The following MTMR7 variants were observed in gnomAD, a reference collection of about 807,000 sequenced individuals.
The protein encoded by MTMR7 is phosphatidylinositol-3-phosphate phosphatase MTMR7.
MTMR7 carries 76 observed loss-of-function variants against 81.2 expected under a neutral mutation model. The ratio of observed to expected loss-of-function variants is 0.94; its 90% CI spans 0.78 to 1.13. The LOEUF (loss-of-function observed/expected upper bound fraction) is 1.13, where lower values mean the gene tolerates loss of function less well. Ranked by LOEUF, MTMR7 falls within the 50% of genes most tolerant of loss-of-function variation. The probability of loss-of-function intolerance (pLI) is 0.00; values close to 1 mark genes in which losing one functional copy is unlikely to be tolerated. For synonymous variants in MTMR7, 372 were observed against 289.8 expected (o/e 1.28, Z -2.88); for missense variants, 1,044 against 820.0 (o/e 1.27, Z -3.34).
At chr8:17,401,752 G>T (rs1467195666) in intron 1 of MTMR7, among the ~76,000 whole-genome samples, 1 of 152,126 alleles carries the variant, frequency 6.6e-6, no homozygotes, top group Non-Finnish European at 1.5e-5. Context: ...GCACTGGAAG[G>T]GTGAAATGCC....
chr8:17,313,455 A>G (rs1817899535), intron 7 of MTMR7, 54 bp from the exon 8 acceptor site: 1 of 1,163,682 alleles, frequency 8.6e-7, no homozygotes, highest in Non-Finnish European at 1.3e-6. Flanking sequence ...CTCATTTTAC[A>G]TATGATCATG....
chr8:17,297,543 T>A lies in MTMR7; in HGVS notation c.*2319A>T, dbSNP rs1293946059. On this transcript the variant is annotated 3_prime_UTR_variant, in exon 14 of 14. Coordinates refer to ENST00000180173, the MANE Select transcript of MTMR7 (RefSeq NM_004686.5). ...CAGTTACTGATTTGCTGGGTCATGG[T>A]CAAAATTCTTACCTATTTATTTCAT... is the stretch of plus-strand genomic sequence containing the variant. 7.8e-6 allele frequency: 1 copy of A among 127,478 alleles called. No homozygotes were observed. Among genetic ancestry groups the A allele is most frequent in the African/African-American group, 3.5e-5 (1 of 28,770 alleles). The allele number at this position is 127,478 out of a possible 1,614,324, so 7.9% of individuals were successfully genotyped here.
At chr8:17,335,152 G>C (rs112957158) in intron 6 of MTMR7, among the ~76,000 whole-genome samples, 2 of 152,160 alleles carry the variant, frequency 1.3e-5, no homozygotes, top group African/African-American at 4.8e-5. Flanking sequence ...CAGGAATAAG[G>C]AGCGAGCAGA....
intron 4 of MTMR7, among the ~76,000 whole-genome samples, chr8:17,351,750 T>C (rs1221672704): frequency 1.3e-5 from 2 of 152,222 alleles, no homozygotes; most frequent in Non-Finnish European, 2.9e-5. Flanking sequence ...TGATGAGTAC[T>C]TGCTCGGGGA....
chr8:17,370,013 T>A (rs1167570420), intron 3 of MTMR7, among the ~76,000 whole-genome samples: 1 of 151,994 alleles, frequency 6.6e-6, no homozygotes, highest in East Asian at 1.9e-4. Flanking sequence ...AAGAAACACT[T>A]CTGTAGAAGC....
At chr8:17,362,147 A>T (rs185928063) in intron 3 of MTMR7, among the ~76,000 whole-genome samples, 11 of 152,246 alleles carry the variant, frequency 7.2e-5, no homozygotes, top group South Asian at 2.1e-4. Flanking sequence ...TAGCCACATT[A>T]AAAAAAAGTT....
intron 4 of MTMR7, among the ~76,000 whole-genome samples, chr8:17,353,487 T>G (rs1819790760): frequency 6.6e-6 from 1 of 152,230 alleles, no homozygotes; most frequent in African/African-American, 2.4e-5. Context: ...ATCTTAGCAT[T>G]GACTGCTGCC....
intron 5 of MTMR7, among the ~76,000 whole-genome samples, chr8:17,343,898 T>C (rs969155289): frequency 6.6e-6 from 1 of 152,176 alleles, no homozygotes; most frequent in African/African-American, 2.4e-5. Flanking sequence ...CCAAAGAGTA[T>C]TACTATTACT....
chr8:17,365,056 TC>T (rs1820184185), intron 3 of MTMR7, among the ~76,000 whole-genome samples: 1 of 152,158 alleles, frequency 6.6e-6, no homozygotes. Context: ...TTCTCTTTCC[TC>T]CCCACCCTTG....
intron 4 of MTMR7, among the ~76,000 whole-genome samples, chr8:17,356,049 T>A (rs1316260411): frequency 2.6e-5 from 4 of 152,226 alleles, no homozygotes; most frequent in Non-Finnish European, 5.9e-5. Context: ...AATCCCACTT[T>A]CATCCTTGTG....
At chr8:17,391,044 G>A (rs762112089) in intron 1 of MTMR7, among the ~76,000 whole-genome samples, 1 of 152,204 alleles carries the variant, frequency 6.6e-6, no homozygotes, top group Non-Finnish European at 1.5e-5. Context: ...AGCCATGGGG[G>A]TATCTGGGGA....
At chr8:17,385,647 C>G (rs1563372469) in intron 1 of MTMR7, among the ~76,000 whole-genome samples, 1 of 152,150 alleles carries the variant, frequency 6.6e-6, no homozygotes, top group East Asian at 1.9e-4. Flanking sequence ...TGAGAACACA[C>G]TAATATAGTA....
chr8:17,304,145 T>C (rs1446281474), intron 12 of MTMR7, among the ~76,000 whole-genome samples: 1 of 152,194 alleles, frequency 6.6e-6, no homozygotes, highest in Admixed American at 6.5e-5. Context: ...TTTTATGATA[T>C]CATTATTATA....
intron 1 of MTMR7, among the ~76,000 whole-genome samples, chr8:17,391,390 TA>T (rs1821104596): frequency 6.6e-6 from 1 of 152,170 alleles, no homozygotes; most frequent in Non-Finnish European, 1.5e-5. Flanking sequence ...ACTGCAATAT[TA>T]TTTTTTTACT....
chr8:17,328,818 A>G (rs1818833978), intron 7 of MTMR7, among the ~76,000 whole-genome samples: 1 of 152,238 alleles, frequency 6.6e-6, no homozygotes, highest in African/African-American at 2.4e-5. Flanking sequence ...CACTTCATTA[A>G]ATAACAAAAT....
intron 4 of MTMR7, among the ~76,000 whole-genome samples, chr8:17,359,725 A>C (rs541454869): frequency 1.3e-4 from 20 of 152,296 alleles, no homozygotes; most frequent in Non-Finnish European, 2.6e-4. Context: ...GCTACAACTC[A>C]AGAAATCAAG....
At chr8:17,337,567 G>A (rs1232520261) in intron 6 of MTMR7, among the ~76,000 whole-genome samples, 1 of 151,918 alleles carries the variant, frequency 6.6e-6, no homozygotes, top group Non-Finnish European at 1.5e-5. Flanking sequence ...TTTTTTTTTG[G>A]AATTGACATT....
chr8:17,390,476 G>C (rs924859769), intron 1 of MTMR7, among the ~76,000 whole-genome samples: 1 of 152,114 alleles, frequency 6.6e-6, no homozygotes, highest in Admixed American at 6.5e-5. Context: ...ATTACAATTT[G>C]GCATAAGATA....
chr8:17,309,311 C>G lies in MTMR7; in HGVS notation c.1117G>C (p.Asp373His), dbSNP rs755804314. 6.4e-7 allele frequency: 1 copy of G among 1,566,498 alleles called. No individual in the cohort carries two copies. Among genetic ancestry groups the G allele is most frequent in the Admixed American group, 1.7e-5 (1 of 59,284 alleles). Residue 373 changes from aspartate to histidine, a missense_variant, in exon 10 of 14, where the codon GAC becomes CAC. Transcript: ENST00000180173. ...AACTTATGACCAAAGGAAATCCAGT[C>G]CTTTTCAATTAATACCTACACAAGA... is the stretch of plus-strand genomic sequence containing the variant. ...LKGFMVLIEKDWISFGHKFNH... is the reference protein window; with the variant it reads ...LKGFMVLIEKHWISFGHKFNH...
Sources: gnomAD v4.1 joint callset for allele counts (sites outside exome capture counted in the v4.1 genomes callset) on GRCh38, gnomAD v4.1.1 for gene constraint, MANE v1.5 for transcripts, NCBI Gene and HGNC (gene_info 2026-07-23, HGNC 2026-07-21) for gene names.